WWOX: variants seen among roughly 807,000 people sequenced by gnomAD.
WWOX encodes WW domain containing oxidoreductase, also known as WW domain-containing oxidoreductase.
A neutral mutation model predicts 46.2 loss-of-function variants in WWOX; 69 were observed. The observed-to-expected ratio is 1.49, with a 90% CI of 1.23 to 1.82. The LOEUF (loss-of-function observed/expected upper bound fraction) is 1.82. Among genes scored for constraint, WWOX ranks in the 40% most tolerant of loss-of-function variants. The pLI is 0.00. For missense variants in WWOX, 919 were observed against 542.6 expected, an observed-to-expected ratio of 1.69 and a Z score of -6.89; for synonymous variants, 359 against 202.6, an observed-to-expected ratio of 1.77 and a Z score of -6.56.
At chr16:78,813,432 G>A (rs1235759799) in intron 8 of WWOX, among the ~76,000 whole-genome samples, 1 of 152,144 alleles carries the variant, frequency 6.6e-6, no homozygotes, top group African/African-American at 2.4e-5. Context: ...GGATACTTGA[G>A]CTGAGTTTTG....
intron 5 of WWOX, among the ~76,000 whole-genome samples, chr16:78,292,296 A>G (rs148691986): frequency 6.6e-6 from 1 of 152,302 alleles, no homozygotes; most frequent in Non-Finnish European, 1.5e-5. Flanking sequence ...GGTTAGAAGA[A>G]TGAAAGATTG....
At chr16:78,827,083 G>T (rs1187259373) in intron 8 of WWOX, among the ~76,000 whole-genome samples, 1 of 152,064 alleles carries the variant, frequency 6.6e-6, no homozygotes, top group Non-Finnish European at 1.5e-5. Flanking sequence ...TGGTTTCTCT[G>T]GTCACAAACC....
At chr16:78,481,770 C>A (rs866141349) in intron 8 of WWOX, among the ~76,000 whole-genome samples, 1 of 110,346 alleles carries the variant, frequency 9.1e-6, no homozygotes, top group Non-Finnish European at 2.2e-5. Context: ...TGTGTGCGCG[C>A]GCCTGCATGT....
intron 8 of WWOX, among the ~76,000 whole-genome samples, chr16:79,141,033 C>G (rs1444344578): frequency 6.6e-6 from 1 of 152,066 alleles, no homozygotes; most frequent in African/African-American, 2.4e-5. Context: ...AAATCTTGGG[C>G]CCCCAAATCA....
intron 8 of WWOX, among the ~76,000 whole-genome samples, chr16:78,679,306 T>G (rs2142227253): frequency 6.6e-6 from 1 of 152,294 alleles, no homozygotes; most frequent in East Asian, 1.9e-4. Flanking sequence ...ATCCCAGCAC[T>G]TTGGGAGGCC....
At chr16:78,838,539 T>C (rs936113904) in intron 8 of WWOX, among the ~76,000 whole-genome samples, 1 of 152,068 alleles carries the variant, frequency 6.6e-6, no homozygotes, top group African/African-American at 2.4e-5. Flanking sequence ...AATTAGAAAA[T>C]TATAAAAATA....
At chr16:78,506,976 G>A in intron 8 of WWOX, among the ~76,000 whole-genome samples, 1 of 152,066 alleles carries the variant, frequency 6.6e-6, no homozygotes, top group Non-Finnish European at 1.5e-5. Context: ...AGCTGCCCAG[G>A]GTGCTGGGAT....
intron 8 of WWOX, among the ~76,000 whole-genome samples, chr16:78,449,471 G>T (rs2083639925): frequency 6.6e-6 from 1 of 152,192 alleles, no homozygotes; most frequent in East Asian, 1.9e-4. Context: ...AGATTTCAGT[G>T]CCTTTTGGGG....
In WWOX at chr16:78,353,653, T is replaced by C. The variant is rs552693383; in HGVS notation, c.517-33207T>C. 9.2e-5 allele frequency among the ~76,000 whole-genome samples: 14 copies of C among 152,360 alleles called. No homozygotes were observed. The South Asian group carries it at 2.9e-3, about 32-fold the overall frequency. ...ATCTTTGCCATTACCTGCAGTAATA[T>C]TATGAAGATTAGAGATGTAACTCTG... On this transcript the variant is annotated intron_variant, in intron 5 of 8. Coordinates refer to ENST00000566780, the MANE Select transcript of WWOX (RefSeq NM_016373.4).
At chr16:79,120,829 C>T (rs138801370) in intron 8 of WWOX, among the ~76,000 whole-genome samples, 451 of 152,338 alleles carry the variant, frequency 3.0e-3, no homozygotes, top group Non-Finnish European at 5.1e-3. Flanking sequence ...AGTGCAGTGG[C>T]ATGATCTTGG....
chr16:79,037,639 C>T (rs547792527), intron 8 of WWOX, among the ~76,000 whole-genome samples: 4 of 152,182 alleles, frequency 2.6e-5, no homozygotes, highest in Non-Finnish European at 4.4e-5. Flanking sequence ...TTGCCACACC[C>T]TCCCAACCTC....
chr16:78,637,283 A>G (rs2046595371), intron 8 of WWOX, among the ~76,000 whole-genome samples: 1 of 152,100 alleles, frequency 6.6e-6, no homozygotes, highest in Non-Finnish European at 1.5e-5. Context: ...ATCTACTAAA[A>G]ATACAAAAAT....
At chr16:78,418,929 A>G (rs2082861951) in intron 6 of WWOX, among the ~76,000 whole-genome samples, 1 of 152,182 alleles carries the variant, frequency 6.6e-6, no homozygotes, top group African/African-American at 2.4e-5. Flanking sequence ...TCTACTAGAA[A>G]TCCTAGCTAG....
rs182267191 is a variant in WWOX, at chr16:78,422,786, C to T, written c.606-2084C>T. On this transcript the variant is annotated intron_variant, in intron 6 of 8. Transcript: ENST00000566780. ...ATATATATACACACATATATATATACACACACACATATATATACACACACA... is the reference window on the plus strand; with the variant it reads ...ATATATATACACACATATATATATATACACACACATATATATACACACACA... Among the ~76,000 whole-genome samples, 140 of 102,450 alleles carry T rather than the reference C, an allele frequency of 1.4e-3. 6 individuals carry two copies. Among genetic ancestry groups the T allele is most frequent in the African/African-American group, 8.3e-3 (108 of 13,032 alleles). The allele number at this position is 102,450 out of a possible 152,430, so 67.2% of individuals were successfully genotyped here.
chr16:78,995,890 G>T (rs1316982379), intron 8 of WWOX, among the ~76,000 whole-genome samples: 1 of 152,146 alleles, frequency 6.6e-6, no homozygotes, highest in East Asian at 1.9e-4. Context: ...TCTTAAATGG[G>T]ATCATTTCCA....
chr16:78,986,435 G>A (rs529999497), intron 8 of WWOX, among the ~76,000 whole-genome samples: 1 of 152,236 alleles, frequency 6.6e-6, no homozygotes, highest in South Asian at 2.1e-4. Flanking sequence ...TAGACTCCAG[G>A]CCCACAGTAT....
intron 1 of WWOX, among the ~76,000 whole-genome samples, chr16:78,103,161 G>A (rs1049976295): frequency 6.6e-6 from 1 of 151,786 alleles, no homozygotes; most frequent in African/African-American, 2.4e-5. Context: ...GGACTCGGGT[G>A]CATACATGGT....
intron 5 of WWOX, among the ~76,000 whole-genome samples, chr16:78,357,652 G>C (rs1161504895): frequency 6.6e-6 from 1 of 152,152 alleles, no homozygotes; most frequent in African/African-American, 2.4e-5. Flanking sequence ...GTTGGAGATA[G>C]GATTATCATT....
intron 5 of WWOX, among the ~76,000 whole-genome samples, chr16:78,177,147 T>C (rs941196842): frequency 6.6e-6 from 1 of 152,196 alleles, no homozygotes; most frequent in Non-Finnish European, 1.5e-5. Flanking sequence ...GCAGCTTGCT[T>C]TTTCTTTTAT....
Sources: gnomAD v4.1 joint callset for allele counts (sites outside exome capture counted in the v4.1 genomes callset) on GRCh38, gnomAD v4.1.1 for gene constraint, MANE v1.5 for transcripts, NCBI Gene and HGNC (gene_info 2026-07-23, HGNC 2026-07-21) for gene names.